Variants in MTARC1 observed in about 807,000 individuals in gnomAD.
MTARC1 encodes the protein mitochondrial amidoxime-reducing component 1.
A neutral mutation model predicts 33.6 loss-of-function variants in MTARC1; 24 were observed. The observed-to-expected ratio is 0.72, with a 90% CI of 0.52 to 1.01. The LOEUF (loss-of-function observed/expected upper bound fraction) is 1.01, where lower values mean the gene tolerates loss of function less well. Among genes scored for constraint, MTARC1 ranks in the 50% least tolerant of loss-of-function variants. The pLI is 0.00. For synonymous variants in MTARC1, 187 were observed against 189.5 expected, an observed-to-expected ratio of 0.99 and a Z score of 0.11; for missense variants, 417 against 445.7, an observed-to-expected ratio of 0.94 and a Z score of 0.58.
At chr1:220,805,025 C>T (rs765643393) in intron 4 of MTARC1, 27 bp from the exon 5 acceptor site, 3 of 1,612,012 alleles carry the variant, frequency 1.9e-6, no homozygotes, top group South Asian at 2.2e-5. Context: ...CAGAGATGCT[C>T]ATGGGAATTT....
chr1:220,814,822 G>C lies in MTARC1; in HGVS notation c.*1404G>C, dbSNP rs1176412966. 3 of 152,194 alleles carry C rather than the reference G, an allele frequency of 2.0e-5. No individual in the cohort carries two copies. The highest frequency in any genetic ancestry group is 7.2e-5 in the African/African-American group (3 of 41,442). The allele number at this position is 152,194 out of a possible 1,614,324, so 9.4% of individuals were successfully genotyped here. On this transcript the variant is annotated 3_prime_UTR_variant, in exon 7 of 7. Coordinates refer to ENST00000366910, the MANE Select transcript of MTARC1 (RefSeq NM_022746.4). ...TAATTCTGACACCTGACCACAGCTGGGTCTTCTGCATAATGGACCTCCTCA... is the reference window on the plus strand; with the variant it reads ...TAATTCTGACACCTGACCACAGCTGCGTCTTCTGCATAATGGACCTCCTCA...
intron 4 of MTARC1, among the ~76,000 whole-genome samples, chr1:220,801,573 G>A (rs1046215098): frequency 1.3e-5 from 2 of 152,184 alleles, no homozygotes; most frequent in Non-Finnish European, 2.9e-5. Flanking sequence ...TACATACACA[G>A]GGCTATGAAG....
At position 220,814,755 on chromosome 1, in the gene MTARC1, GA is replaced by G. The variant is rs368040889; in HGVS notation, c.*1346del. 8.0e-5 allele frequency: 12 copies of G among 150,804 alleles called. No homozygotes were observed. Among genetic ancestry groups the G allele is most frequent in the East Asian group, 3.9e-4 (2 of 5,138 alleles). 9.3% of individuals were successfully genotyped at this position (150,804 alleles called of 1,614,324 possible). On this transcript the variant is annotated 3_prime_UTR_variant, in exon 7 of 7. Transcript: ENST00000366910. The stretch of plus-strand genomic sequence containing the variant: ...GACCCTATCTCTAAAAAAGAAACAG[GA>G]AAAAAAAAGAAAGCTGACTGAGGTG...
At chr1:220,799,771 T>C (rs188161172) in intron 4 of MTARC1, among the ~76,000 whole-genome samples, 7 of 152,262 alleles carry the variant, frequency 4.6e-5, no homozygotes, top group African/African-American at 1.7e-4. Flanking sequence ...ACAGCTGGAT[T>C]CTAATCCACC....
Position 220,814,294 on chromosome 1 carries a change from A to AT in MTARC1, c.*882dup, listed in dbSNP as rs1216589923. The AT allele has an allele frequency of 6.6e-6, 1 of 152,248 alleles. No individual in the cohort carries two copies. Among genetic ancestry groups the AT allele is most frequent in the African/African-American group, 2.4e-5 (1 of 41,474 alleles). The allele number at this position is 152,248 out of a possible 1,614,324, so 9.4% of individuals were successfully genotyped here. ...ATAACTCTAAGATCTGATGAAGTAT[A>AT]TTTTTTATTGCCATTTTGTCCTTTG... is the stretch of plus-strand genomic sequence containing the variant. On this transcript the variant is annotated 3_prime_UTR_variant, in exon 7 of 7. Coordinates refer to ENST00000366910, the MANE Select transcript of MTARC1 (RefSeq NM_022746.4).
rs1673326017 is a variant in MTARC1 at position 220,818,553 on chromosome 1, C to T, written c.*5135C>T. On this transcript the variant is annotated 3_prime_UTR_variant, in exon 7 of 7. Transcript: ENST00000366910. ...CATCCTAGACTGCTCTTCCTCTTAC[C>T]TTCCTTGTGAAACCCACAACCCCTA... 6.6e-6 allele frequency: 1 copy of T among 152,186 alleles called. No homozygotes were observed. The highest frequency in any genetic ancestry group is 2.4e-5 in the African/African-American group (1 of 41,410). 9.4% of individuals were successfully genotyped at this position (152,186 alleles called of 1,614,324 possible).
In MTARC1 at chr1:220,796,637, C is replaced by T. The variant is rs1339609895; in HGVS notation, c.450-6C>T. 2 of 1,582,244 alleles carry T rather than the reference C, an allele frequency of 1.3e-6. No homozygotes were observed. Among genetic ancestry groups the T allele is most frequent in the South Asian group, 2.3e-5 (2 of 86,566 alleles). Reference sequence around the variant, plus strand: ...TGTCTGCCCTTTGCTCCTGCTACCCCTGCAGAGTGCACGGCCTGGAGATAG... The same window carrying T: ...TGTCTGCCCTTTGCTCCTGCTACCCTTGCAGAGTGCACGGCCTGGAGATAG... On this transcript the variant is annotated splice_polypyrimidine_tract_variant and splice_region_variant and intron_variant, in intron 2 of 6. Coordinates refer to ENST00000366910, the MANE Select transcript of MTARC1 (RefSeq NM_022746.4).
intron 3 of MTARC1, 169 bp from the exon 4 acceptor site, chr1:220,797,705 T>A: frequency 1.6e-6 from 1 of 637,632 alleles, no homozygotes; most frequent in Non-Finnish European, 2.7e-6. Context: ...GCAAGGCTAT[T>A]GAAAACTTCT....
chr1:220,808,967 G>A (rs550724438), intron 6 of MTARC1: 82 of 453,148 alleles, frequency 1.8e-4, no homozygotes, highest in South Asian at 1.3e-3. Context: ...CACAGTTACT[G>A]CATGGGTACT....
At chr1:220,799,912 G>A (rs191226771) in intron 4 of MTARC1, among the ~76,000 whole-genome samples, 1 of 152,350 alleles carries the variant, frequency 6.6e-6, no homozygotes, top group East Asian at 1.9e-4. Flanking sequence ...AATCAAGGTC[G>A]ATGACAATTT....
intron 4 of MTARC1, among the ~76,000 whole-genome samples, chr1:220,801,835 G>C (rs1023011832): frequency 6.6e-6 from 1 of 152,100 alleles, no homozygotes; most frequent in African/African-American, 2.4e-5. Context: ...GAAGTTTCTG[G>C]AAAGCAGACC....
At chr1:220,804,518 TA>T (rs1395133558) in intron 4 of MTARC1, among the ~76,000 whole-genome samples, 1 of 152,136 alleles carries the variant, frequency 6.6e-6, no homozygotes, top group African/African-American at 2.4e-5. Context: ...CAGTGCTTCG[TA>T]AATACTTCAG....
rs1231578407 is a variant in MTARC1, at chr1:220,791,577, G to A, written c.362G>A (p.Gly121Asp). ...GTCCTGATTTCCCTGACCTGCGATG[G>A]TGACACCCTGACTCTCAGTGCAGCC... The part of the protein sequence containing the change: ...RLVLISLTCD[G>D]DTLTLSAAYT... Residue 121 changes from glycine to aspartate, a missense_variant, in exon 2 of 7, where the codon GGT (glycine) becomes GAT (aspartate). Transcript: ENST00000366910. 8.1e-6 allele frequency: 13 copies of A among 1,614,048 alleles called. No individual in the cohort carries two copies. The highest frequency in any genetic ancestry group is 1.1e-5 in the Non-Finnish European group (13 of 1,180,046).
Position 220,791,600 on chromosome 1 carries a change from G to C in MTARC1, c.385G>C (p.Ala129Pro). 2 of 1,614,156 alleles carry C rather than the reference G, an allele frequency of 1.2e-6. No homozygotes were observed. Among genetic ancestry groups the C allele is most frequent in the Non-Finnish European group, 1.7e-6 (2 of 1,180,020 alleles). ...TGGTGACACCCTGACTCTCAGTGCA[G>C]CCTACACAAAGGACCTACTACTGCC... Reference protein sequence around the residue: ...CDGDTLTLSAAYTKDLLLPIK... With the variant: ...CDGDTLTLSAPYTKDLLLPIK... The change falls in exon 2 of 7, where the codon GCC becomes CCC. Residue 129 changes from alanine to proline, a missense_variant. By Grantham distance (27) the Ala-to-Pro change is conservative (BLOSUM62 -1). Transcript: ENST00000366910.
At position 220,787,238 on chromosome 1, in the gene MTARC1, G is replaced by C. The variant is rs1484479420; in HGVS notation, c.275+19G>C. 2 of 1,549,426 alleles carry C rather than the reference G, an allele frequency of 1.3e-6. No individual in the cohort carries two copies. Among genetic ancestry groups the C allele is most frequent in the Non-Finnish European group, 1.7e-6 (2 of 1,149,440 alleles). ...GGGACAGGTACGGCCAAGCGCCGGCGCGGGGCAGCGCTGATCCGGCTCGGG... is the reference window on the plus strand; with the variant it reads ...GGGACAGGTACGGCCAAGCGCCGGCCCGGGGCAGCGCTGATCCGGCTCGGG... On this transcript the variant is annotated intron_variant, in intron 1 of 6. Transcript: ENST00000366910.
intron 2 of MTARC1, chr1:220,793,485 C>A (rs967093868): frequency 3.0e-4 from 45 of 152,272 alleles, no homozygotes; most frequent in African/African-American, 1.1e-3. Flanking sequence ...GCAAAGATTC[C>A]AAGAATCTTC....
In MTARC1 at chr1:220,787,058, C is replaced by A. The variant is rs1571657381; in HGVS notation, c.114C>A (p.Val38=). The A allele has an allele frequency of 7.0e-7, 1 of 1,428,512 alleles. No individual in the cohort carries two copies. Among genetic ancestry groups the A allele is most frequent in the East Asian group, 3.0e-5 (1 of 33,380 alleles). The allele number at this position is 1,428,512 out of a possible 1,614,324, so 88.5% of individuals were successfully genotyped here. A position where few individuals can be genotyped will look rare whatever the true frequency, so the allele number is the denominator to read the frequency against. Residue 38 remains valine (V), a synonymous_variant, in exon 1 of 7, where the codon GTC becomes GTA. Transcript: ENST00000366910. ...TGACCGCGGTGGCGCTGGGGGCTGT[C>A]GCCTGGCGCCGCGCATGGCCCACGC... ...LGLTAVALGA[V]AWRRAWPTRR... is the part of the protein sequence containing the mutation.
In MTARC1 at chr1:220,816,217, C is replaced by G. The variant is rs924154065; in HGVS notation, c.*2799C>G. Reference sequence around the variant, plus strand: ...CTAGCCAAATGGGACTTCGGGAAACCATTTATGAGGCTGTCACCAACAGTG... The same window carrying G: ...CTAGCCAAATGGGACTTCGGGAAACGATTTATGAGGCTGTCACCAACAGTG... On this transcript the variant is annotated 3_prime_UTR_variant, in exon 7 of 7. Transcript: ENST00000366910. 6.6e-6 allele frequency: 1 copy of G among 152,150 alleles called. No individual in the cohort carries two copies. Among genetic ancestry groups the G allele is most frequent in the Non-Finnish European group, 1.5e-5 (1 of 68,050 alleles). 9.4% of individuals were successfully genotyped at this position (152,150 alleles called of 1,614,324 possible). A position where few individuals can be genotyped will look rare whatever the true frequency, so the allele number is the denominator to read the frequency against.
chr1:220,806,290 G>A (rs1345069143), intron 6 of MTARC1, among the ~76,000 whole-genome samples: 1 of 152,160 alleles, frequency 6.6e-6, no homozygotes, highest in African/African-American at 2.4e-5. Flanking sequence ...CCAGGTGTCA[G>A]GTCTCTTCTC....
Sources: gnomAD v4.1 joint callset for allele counts (sites outside exome capture counted in the v4.1 genomes callset) on GRCh38, gnomAD v4.1.1 for gene constraint, MANE v1.5 for transcripts, NCBI Gene and HGNC (gene_info 2026-07-23, HGNC 2026-07-21) for gene names.